DENND1B: variants seen among roughly 807,000 people sequenced by gnomAD.
DENND1B encodes DENN domain containing 1B.
A neutral mutation model predicts 90.1 loss-of-function variants in DENND1B; 59 were observed. The observed-to-expected ratio is 0.65, with a 90% CI of 0.53 to 0.81. The LOEUF (loss-of-function observed/expected upper bound fraction) is 0.81. Ranked by LOEUF, DENND1B falls within the 40% of genes least tolerant of loss-of-function variation. DENND1B has a pLI of 0.00. For missense variants in DENND1B, 862 were observed against 912.6 expected, an observed-to-expected ratio of 0.94 and a Z score of 0.71; for synonymous variants, 337 against 324.6, an observed-to-expected ratio of 1.04 and a Z score of -0.41.
intron 15 of DENND1B, among the ~76,000 whole-genome samples, chr1:197,556,333 A>C (rs970105837): frequency 4.6e-5 from 7 of 152,026 alleles, no homozygotes; most frequent in African/African-American, 1.7e-4. Flanking sequence ...CCAAACCTAC[A>C]TATGTACCTC....
chr1:197,576,614 GTA>G (rs555431927), intron 15 of DENND1B, among the ~76,000 whole-genome samples: 1 of 152,158 alleles, frequency 6.6e-6, no homozygotes, highest in Non-Finnish European at 1.5e-5. Flanking sequence ...TGTACAACAT[GTA>G]TAAATGTTTT....
intron 13 of DENND1B, among the ~76,000 whole-genome samples, chr1:197,598,237 C>T (rs1349153101): frequency 6.6e-6 from 1 of 151,804 alleles, no homozygotes; most frequent in African/African-American, 2.4e-5. Flanking sequence ...CTCTAGTGGG[C>T]TTCAATTGTC....
chr1:197,722,600 A>G (rs895600057), intron 2 of DENND1B, among the ~76,000 whole-genome samples: 13 of 152,196 alleles, frequency 8.5e-5, no homozygotes, highest in Admixed American at 3.9e-4. Flanking sequence ...GGAAATTTGT[A>G]TGTGAAGAAA....
intron 2 of DENND1B, among the ~76,000 whole-genome samples, chr1:197,722,341 T>C (rs562757641): frequency 8.5e-5 from 13 of 152,262 alleles, no homozygotes; most frequent in African/African-American, 3.1e-4. Flanking sequence ...CTAGTAACTA[T>C]TGAAGCCAAG....
intron 3 of DENND1B, among the ~76,000 whole-genome samples, chr1:197,706,951 A>G (rs1015189530): frequency 6.6e-6 from 1 of 152,238 alleles, no homozygotes; most frequent in Admixed American, 6.5e-5. Context: ...AAAGAAAATC[A>G]GTATACCAAA....
upstream of DENND1B, among the ~76,000 whole-genome samples, chr1:197,779,828 T>C (rs1221908953): frequency 6.6e-6 from 1 of 151,988 alleles, no homozygotes; most frequent in Non-Finnish European, 1.5e-5. Flanking sequence ...ATCTGAAGCA[T>C]TTGTGGGTCT....
intron 7 of DENND1B, among the ~76,000 whole-genome samples, chr1:197,650,663 T>C (rs1011299587): frequency 6.6e-6 from 1 of 152,142 alleles, no homozygotes; most frequent in South Asian, 2.1e-4. Flanking sequence ...AGTATATATA[T>C]ATGATGGAAT....
At chr1:197,521,268 G>C (rs947057011) in intron 20 of DENND1B, among the ~76,000 whole-genome samples, 2 of 151,784 alleles carry the variant, frequency 1.3e-5, no homozygotes, top group African/African-American at 4.8e-5. Context: ...TCAGAAAGTA[G>C]AATGATGAAA....
chr1:197,510,398 C>A lies in DENND1B; in HGVS notation c.*62G>T. 6.8e-7 allele frequency: 1 copy of A among 1,469,222 alleles called. No homozygotes were observed. Among genetic ancestry groups the A allele is most frequent in the Non-Finnish European group, 9.0e-7 (1 of 1,106,432 alleles). 91.0% of individuals were successfully genotyped at this position (1,469,222 alleles called of 1,614,324 possible). On this transcript the variant is annotated 3_prime_UTR_variant, in exon 23 of 23. Transcript: ENST00000620048. ...TGAGTTGCCATTCCTACAAATAATT[C>A]TGTTTATTATACAGATTGCATTGAA...
chr1:197,589,758 A>C (rs1453539482), intron 14 of DENND1B, among the ~76,000 whole-genome samples: 1 of 152,212 alleles, frequency 6.6e-6, no homozygotes, highest in Non-Finnish European at 1.5e-5. Context: ...ATTACTAACC[A>C]ATCTTTATTC....
intron 14 of DENND1B, among the ~76,000 whole-genome samples, chr1:197,591,108 A>C (rs892945851): frequency 2.6e-5 from 4 of 152,196 alleles, no homozygotes; most frequent in African/African-American, 9.6e-5. Context: ...ATGGTGAAAG[A>C]CATGAAAAAT....
intron 6 of DENND1B, among the ~76,000 whole-genome samples, chr1:197,652,854 C>T (rs1653387886): frequency 6.6e-6 from 1 of 152,044 alleles, no homozygotes; most frequent in Admixed American, 6.6e-5. Context: ...ATAAAACATA[C>T]AACAAATCTA....
chr1:197,673,169 A>G (rs558810770), intron 4 of DENND1B, among the ~76,000 whole-genome samples: 1 of 151,910 alleles, frequency 6.6e-6, no homozygotes, highest in Non-Finnish European at 1.5e-5. Context: ...TAAAAAAAAA[A>G]CCCTCTAGTG....
In DENND1B at chr1:197,729,068, C is replaced by T. The variant is rs572254770; in HGVS notation, c.83-13994G>A. 2.6e-5 allele frequency among the ~76,000 whole-genome samples: 4 copies of T among 152,238 alleles called. No individual in the cohort carries two copies. In the East Asian group the frequency reaches 7.7e-4, roughly 29 times the overall value. On this transcript the variant is annotated intron_variant, in intron 2 of 22. Coordinates refer to ENST00000620048, the MANE Select transcript of DENND1B (RefSeq NM_001195215.2). ...TCTGAAATCCTATGTTCACTTTTCT[C>T]TGTCTCTCTAAAATCAATACATTAT...
At chr1:197,570,259 T>C (rs756618718) in intron 15 of DENND1B, among the ~76,000 whole-genome samples, 16 of 151,512 alleles carry the variant, frequency 1.1e-4, no homozygotes, top group Non-Finnish European at 1.0e-4. Flanking sequence ...AACCAGGCTA[T>C]ACCATGGTTA....
intron 15 of DENND1B, among the ~76,000 whole-genome samples, chr1:197,573,437 C>A (rs565815563): frequency 2.6e-5 from 4 of 152,114 alleles, no homozygotes; most frequent in East Asian, 1.9e-4. Flanking sequence ...CAATAACAGG[C>A]TCTGAAATTG....
chr1:197,645,463 C>T (rs1160178541), intron 9 of DENND1B, among the ~76,000 whole-genome samples: 1 of 151,688 alleles, frequency 6.6e-6, no homozygotes, highest in Non-Finnish European at 1.5e-5. Context: ...TATTATTGTC[C>T]TTAATTTTCC....
Position 197,642,894 on chromosome 1 carries a change from C to T in DENND1B, c.562-73G>A, listed in dbSNP as rs1352466823. 1.5e-5 allele frequency: 15 copies of T among 1,009,148 alleles called. No homozygotes were observed. The South Asian group carries it at 2.1e-4, about 14-fold the overall frequency. The allele number at this position is 1,009,148 out of a possible 1,614,324, so 62.5% of individuals were successfully genotyped here. On this transcript the variant is annotated intron_variant, in intron 9 of 22. Transcript: ENST00000620048. ...TGAAGAAAAACATTTTACACACTTA[C>T]CAGAAAGTCTTGAAGTTCAAAGGGT... is the stretch of plus-strand genomic sequence containing the variant.
intron 9 of DENND1B, among the ~76,000 whole-genome samples, chr1:197,644,566 T>C (rs1680563554): frequency 6.6e-6 from 1 of 152,164 alleles, no homozygotes; most frequent in Non-Finnish European, 1.5e-5. Flanking sequence ...AAAGAAAACA[T>C]TAACAAGGAG....
Sources: gnomAD v4.1 joint callset for allele counts (sites outside exome capture counted in the v4.1 genomes callset) on GRCh38, gnomAD v4.1.1 for gene constraint, MANE v1.5 for transcripts, NCBI Gene and HGNC (gene_info 2026-07-23, HGNC 2026-07-21) for gene names.